Variants in BAIAP3 observed in about 807,000 individuals in gnomAD.
BAIAP3 encodes the protein BAI1-associated protein 3.
In BAIAP3, 180 loss-of-function variants were observed where a neutral mutation model predicts 149.7. The observed-to-expected ratio is 1.20, with a 90% CI of 1.07 to 1.36. BAIAP3 has a LOEUF of 1.36. Ranked by LOEUF, BAIAP3 falls within the 40% of genes most tolerant of loss-of-function variation. BAIAP3 has a pLI of 0.00. For missense variants in BAIAP3, 1,767 were observed against 1,563.4 expected (o/e 1.13, Z -2.20); for synonymous variants, 845 against 670.7 (o/e 1.26, Z -4.02).
At chr16:1,335,574 G>A (rs1382119596) in intron 1 of BAIAP3, among the ~76,000 whole-genome samples, 1 of 152,224 alleles carries the variant, frequency 6.6e-6, no homozygotes, top group Non-Finnish European at 1.5e-5. Flanking sequence ...ACCATTCACA[G>A]CAGCTCCGGC....
In BAIAP3 at chr16:1,346,673, G is replaced by A; in HGVS notation, c.2631G>A (p.Gly877=). The change falls in exon 27 of 34, where the codon GGG becomes GGA. Residue 877 remains glycine (G), a synonymous_variant. Transcript: ENST00000426824. ...TGCTGAACGCCTCGCTGGTGAAGGG[G>A]AACCTGAGCAGGTGCGGGCGGGTGG... ...LALLNASLVK[G]NLSRVLEALW... 2.0e-6 allele frequency: 1 copy of A among 488,628 alleles called. No homozygotes were observed. The highest frequency in any genetic ancestry group is 3.7e-6 in the Non-Finnish European group (1 of 271,402). The allele number at this position is 488,628 out of a possible 1,614,324, so 30.3% of individuals were successfully genotyped here. A position where few individuals can be genotyped will look rare whatever the true frequency, so the allele number is the denominator to read the frequency against.
chr16:1,349,010 C>T lies in BAIAP3; in HGVS notation c.*528C>T. On this transcript the variant is annotated 3_prime_UTR_variant, in exon 34 of 34. Transcript: ENST00000426824. ...GTCAAGAACCGCATAGGTCTCCAGT[C>T]CCCACGGGGCTCCCAGGCCGGGGAA... 1 of 283,726 alleles carries T rather than the reference C, an allele frequency of 3.5e-6. No individual in the cohort carries two copies. Among genetic ancestry groups the T allele is most frequent in the Non-Finnish European group, 6.8e-6 (1 of 147,388 alleles). The allele number at this position is 283,726 out of a possible 1,614,324, so 17.6% of individuals were successfully genotyped here.
chr16:1,336,232 T>G, intron 1 of BAIAP3: 3 of 985,258 alleles, frequency 3.0e-6, no homozygotes, highest in Non-Finnish European at 3.6e-6. Flanking sequence ...AGCAGCCTCT[T>G]CCACCCAGCA....
rs760913538 is a variant in BAIAP3, at chr16:1,342,944, G to A, written c.1193G>A (p.Ser398Asn). 5.0e-6 allele frequency: 8 copies of A among 1,612,174 alleles called. No homozygotes were observed. Among genetic ancestry groups the A allele is most frequent in the Admixed American group, 3.3e-5 (2 of 60,028 alleles). The change falls in exon 14 of 34, where the codon AGC (serine) becomes AAC (asparagine). Residue 398 changes from serine to asparagine, a missense_variant. Ser to Asn is a conservative substitution (Grantham distance 46, BLOSUM62 1). Transcript: ENST00000426824. ...PNSSSWRGELSTPAATILCLH... is the reference protein window; with the variant it reads ...PNSSSWRGELNTPAATILCLH... ...TCCAGCAGCTGGCGAGGAGAGCTCA[G>A]CACACCAGCCGCCACCATCCTCTGC... is the stretch of plus-strand genomic sequence containing the variant.
chr16:1,334,488 G>C, intron 1 of BAIAP3: 1 of 627,310 alleles, frequency 1.6e-6, no homozygotes, highest in Non-Finnish European at 2.8e-6. Context: ...AGCAGAGGGA[G>C]GAGGGAGCGC....
In BAIAP3 at chr16:1,341,137, G is replaced by A. The variant is rs534803436; in HGVS notation, c.477G>A (p.Thr159=). 44 of 1,612,590 alleles carry A rather than the reference G, an allele frequency of 2.7e-5. No homozygotes were observed. Among genetic ancestry groups the A allele is most frequent in the South Asian group, 1.5e-4 (14 of 91,032 alleles). Residue 159 remains threonine (T), a synonymous_variant, in exon 7 of 34, where the codon ACG becomes ACA. Coordinates refer to ENST00000426824, the MANE Select transcript of BAIAP3 (RefSeq NM_001199097.2). ...CGCCCCTCTGTCCACAGGCCCCCAC[G>A]TATGCCCTGAAAGTCTCTGTCATGC... The part of the protein sequence containing the change: ...IERVRKAKAP[T]YALKVSVMRA...
rs1047853953 is a variant in BAIAP3 at position 1,337,940 on chromosome 16, C to T, written c.-10-600C>T. On this transcript the variant is annotated intron_variant, in intron 1 of 33. Coordinates refer to ENST00000426824, the MANE Select transcript of BAIAP3 (RefSeq NM_001199097.2). ...GGGGTGAGGAGGGGGCATTGACCCC[C>T]GCTGTGCTTGGTGAGCGAGGACCCC... Among the ~76,000 whole-genome samples, 10 of 152,164 alleles carry T rather than the reference C, an allele frequency of 6.6e-5. No individual in the cohort carries two copies. In the East Asian group the frequency reaches 9.7e-4, roughly 15 times the overall value.
chr16:1,347,331 G>T lies in BAIAP3; in HGVS notation c.2785G>T (p.Gly929Cys). The change falls in exon 29 of 34, where the codon GGT becomes TGT. Residue 929 changes from glycine (G) to cysteine (C), a missense_variant. Gly to Cys is a radical substitution (Grantham distance 159). Coordinates refer to ENST00000426824, the MANE Select transcript of BAIAP3 (RefSeq NM_001199097.2). ...CAGTTTTTTCCACGCAGAGGGTCAG[G>T]GTTTGCCCCTGGAGAGCCTGAGGGA... The part of the protein sequence containing the change: ...LVSFFHAEGQ[G>C]LPLESLRDGS... 6.2e-7 allele frequency: 1 copy of T among 1,613,538 alleles called. No homozygotes were observed. The highest frequency in any genetic ancestry group is 8.5e-7 in the Non-Finnish European group (1 of 1,179,976).
At chr16:1,339,081 T>C in intron 3 of BAIAP3, 83 bp from the exon 4 acceptor site, 1 of 1,595,564 alleles carries the variant, frequency 6.3e-7, no homozygotes, top group Non-Finnish European at 8.5e-7. Context: ...CGCTCCCACC[T>C]CCTGGGGCAC....
intron 5 of BAIAP3, among the ~76,000 whole-genome samples, 171 bp downstream of exon 5, chr16:1,339,774 G>T (rs2033732780): frequency 6.7e-6 from 1 of 148,432 alleles, no homozygotes; most frequent in Admixed American, 6.6e-5. Context: ...GGCTGCAGGT[G>T]CACACAGACA....
At chr16:1,341,556 T>C in intron 8 of BAIAP3, 67 bp downstream of exon 8, 1 of 1,530,138 alleles carries the variant, frequency 6.5e-7, no homozygotes. Flanking sequence ...GGGCTGTGCC[T>C]GGAGGGTGGT....
intron 30 of BAIAP3, 30 bp from the exon 31 acceptor site, chr16:1,347,671 G>A: frequency 6.2e-7 from 1 of 1,612,354 alleles, no homozygotes; most frequent in Non-Finnish European, 8.5e-7. Context: ...GGCTCCCAGA[G>A]CCCAGCTGCG....
rs2034523406 is a variant in BAIAP3, at chr16:1,348,204, C to A, written c.3258C>A (p.Gly1086=). The A allele has an allele frequency of 6.2e-7, 1 of 1,608,930 alleles. No homozygotes were observed. Among genetic ancestry groups the A allele is most frequent in the Non-Finnish European group, 8.5e-7 (1 of 1,179,486 alleles). The change falls in exon 33 of 34, where the codon GGC becomes GGA. Residue 1086 remains glycine (G), a synonymous_variant. Coordinates refer to ENST00000426824, the MANE Select transcript of BAIAP3 (RefSeq NM_001199097.2). ...ACTTCGCTGGGGAGGCGGCCCTCGGCCTAGGTGGCGTCACTGGTGTCGCCC... is the reference window on the plus strand; with the variant it reads ...ACTTCGCTGGGGAGGCGGCCCTCGGACTAGGTGGCGTCACTGGTGTCGCCC... ...TNDFAGEAAL[G]LGGVTGVARP...
chr16:1,347,047 T>C, intron 28 of BAIAP3, 92 bp downstream of exon 28: 1 of 1,257,354 alleles, frequency 8.0e-7, no homozygotes, highest in South Asian at 1.3e-5. Context: ...CCTGGTCTCC[T>C]GTGGCTGGAG....
In BAIAP3 at chr16:1,348,508, T is replaced by G. The variant is rs765086038; in HGVS notation, c.*26T>G. The G allele has an allele frequency of 5.1e-6, 8 of 1,580,944 alleles. No homozygotes were observed. Among genetic ancestry groups the G allele is most frequent in the Non-Finnish European group, 6.0e-6 (7 of 1,164,162 alleles). ...GTCCATCAGCTGCCAGCCCCGGCCCTGGCCCCCACCCCAAGTTCCCTGAAG... is the reference window on the plus strand; with the variant it reads ...GTCCATCAGCTGCCAGCCCCGGCCCGGGCCCCCACCCCAAGTTCCCTGAAG... On this transcript the variant is annotated 3_prime_UTR_variant, in exon 34 of 34. Coordinates refer to ENST00000426824, the MANE Select transcript of BAIAP3 (RefSeq NM_001199097.2).
At chr16:1,346,385 G>A (rs754862982) in intron 25 of BAIAP3, 24 bp downstream of exon 25, 11 of 1,611,142 alleles carry the variant, frequency 6.8e-6, no homozygotes, top group African/African-American at 4.0e-5. Flanking sequence ...GGAGACCAAG[G>A]CGTGGAGGCA....
chr16:1,345,225 G>T, intron 21 of BAIAP3, 24 bp from the exon 22 acceptor site: 1 of 1,611,572 alleles, frequency 6.2e-7, no homozygotes, highest in Non-Finnish European at 8.5e-7. Flanking sequence ...TCAGGGCCGA[G>T]CCCTCACAAC....
Position 1,345,985 on chromosome 16 carries a change from G to A in BAIAP3, c.2209-1G>A. 1 of 1,606,018 alleles carries A rather than the reference G, an allele frequency of 6.2e-7. No individual in the cohort carries two copies. The highest frequency in any genetic ancestry group is 8.5e-7 in the Non-Finnish European group (1 of 1,176,422). On this transcript the variant is annotated splice_acceptor_variant, in intron 23 of 33. Transcript: ENST00000426824. LOFTEE classifies it high-confidence loss of function. ...GCTCCCCACCGCCATCCCCTCCTCAGGACGTGTGTGAGGCCACCCTCTTCT... is the reference window on the plus strand; with the variant it reads ...GCTCCCCACCGCCATCCCCTCCTCAAGACGTGTGTGAGGCCACCCTCTTCT...
At chr16:1,340,195 GCA>G (rs2033811641) in intron 5 of BAIAP3, among the ~76,000 whole-genome samples, 1 of 63,848 alleles carries the variant, frequency 1.6e-5, no homozygotes, top group Non-Finnish European at 2.9e-5. Flanking sequence ...ACAGACACAC[GCA>G]CACAGGCTGC....
Sources: allele counts gnomAD v4.1 joint callset (sites outside exome capture counted in the v4.1 genomes callset), GRCh38; gene constraint gnomAD v4.1.1; transcripts MANE v1.5; gene names NCBI Gene and HGNC (gene_info 2026-07-23, HGNC 2026-07-21).